The following CTNND2 variants were observed in gnomAD, a reference collection of about 807,000 sequenced individuals.
CTNND2 encodes the protein catenin delta-2.
A neutral mutation model predicts 144.4 loss-of-function variants in CTNND2; 22 were observed. That is an observed-to-expected ratio of 0.15 (90% CI 0.11 to 0.22). The LOEUF (loss-of-function observed/expected upper bound fraction) is 0.22. Ranked by LOEUF, CTNND2 falls within the 10% of genes least tolerant of loss-of-function variation. The pLI is 1.00. For missense variants in CTNND2, 1,353 were observed against 1,618.8 expected, an observed-to-expected ratio of 0.84 and a Z score of 2.82; for synonymous variants, 751 against 695.6, an observed-to-expected ratio of 1.08 and a Z score of -1.25.
At chr5:11,791,591 T>A (rs1045289192) in intron 1 of CTNND2, among the ~76,000 whole-genome samples, 2 of 152,210 alleles carry the variant, frequency 1.3e-5, no homozygotes, top group Non-Finnish European at 2.9e-5. Context: ...AACTGTTAAG[T>A]ATATTTGATA....
intron 11 of CTNND2, among the ~76,000 whole-genome samples, chr5:11,189,558 A>AT (rs1184219187): frequency 1.3e-5 from 2 of 152,176 alleles, no homozygotes; most frequent in Non-Finnish European, 2.9e-5. Flanking sequence ...TCTTAATAAC[A>AT]TTTTATTTTC....
chr5:11,422,584 A>T (rs889014557), intron 3 of CTNND2, among the ~76,000 whole-genome samples: 6 of 152,222 alleles, frequency 3.9e-5, no homozygotes, highest in African/African-American at 1.4e-4. Flanking sequence ...ATCACAGAGT[A>T]CCACAACACT....
rs1015737324 is a variant in CTNND2, at chr5:11,630,258, T to A, written c.175-65202A>T. Among the ~76,000 whole-genome samples the A allele has an allele frequency of 2.6e-5, 4 of 152,196 alleles. No individual in the cohort carries two copies. In the East Asian group the frequency reaches 7.7e-4, roughly 29 times the overall value. On this transcript the variant is annotated intron_variant, in intron 2 of 21. Coordinates refer to ENST00000304623, the MANE Select transcript of CTNND2 (RefSeq NM_001332.4). ...AACCCATACAGTGCTGTGACAAATG[T>A]CTGCTACACACATCTCCTTGTGATC...
chr5:11,592,368 G>A (rs1294728490), intron 2 of CTNND2, among the ~76,000 whole-genome samples: 1 of 151,618 alleles, frequency 6.6e-6, no homozygotes, highest in African/African-American at 2.4e-5. Context: ...TATGCATAAT[G>A]TATGATATCT....
intron 2 of CTNND2, among the ~76,000 whole-genome samples, chr5:11,645,174 C>T (rs1215866640): frequency 3.9e-5 from 6 of 152,060 alleles, no homozygotes; most frequent in Admixed American, 3.9e-4. Context: ...CTGTGTTACC[C>T]AAGTTGGTCT....
At chr5:11,804,237 C>T (rs1186730469) in intron 1 of CTNND2, among the ~76,000 whole-genome samples, 1 of 152,172 alleles carries the variant, frequency 6.6e-6, no homozygotes, top group Non-Finnish European at 1.5e-5. Flanking sequence ...CAGGCCCTCT[C>T]ATTCACTGCT....
chr5:11,843,316 G>A (rs1794569804), intron 1 of CTNND2, among the ~76,000 whole-genome samples: 1 of 142,026 alleles, frequency 7.0e-6, no homozygotes, highest in Non-Finnish European at 1.5e-5. Flanking sequence ...GAGAATGAGA[G>A]GTGGACACCC....
At chr5:11,169,908 G>A (rs1389497447) in intron 11 of CTNND2, among the ~76,000 whole-genome samples, 1 of 152,072 alleles carries the variant, frequency 6.6e-6, no homozygotes, top group African/African-American at 2.4e-5. Flanking sequence ...CTTTTTCACA[G>A]AGCATCACTG....
At chr5:11,316,956 TCAAA>T (rs1751572779) in intron 9 of CTNND2, among the ~76,000 whole-genome samples, 1 of 151,852 alleles carries the variant, frequency 6.6e-6, no homozygotes, top group African/African-American at 2.4e-5. Context: ...TACAATGAAC[TCAAA>T]CAAATTTACA....
chr5:11,375,922 G>GC (rs374052676), intron 7 of CTNND2, among the ~76,000 whole-genome samples: 29 of 152,118 alleles, frequency 1.9e-4, no homozygotes, highest in African/African-American at 7.0e-4. Context: ...TGCTCTCCTC[G>GC]CCCCCCGATT....
At chr5:11,813,093 C>A (rs1394568230) in intron 1 of CTNND2, among the ~76,000 whole-genome samples, 1 of 152,068 alleles carries the variant, frequency 6.6e-6, no homozygotes, top group African/African-American at 2.4e-5. Flanking sequence ...CAAAGTAGTC[C>A]CGTAAGATTA....
intron 9 of CTNND2, among the ~76,000 whole-genome samples, chr5:11,290,549 T>A (rs926316604): frequency 3.9e-5 from 6 of 152,214 alleles, no homozygotes; most frequent in Non-Finnish European, 7.3e-5. Flanking sequence ...CTCATATGAA[T>A]AAACACCCAT....
intron 2 of CTNND2, among the ~76,000 whole-genome samples, chr5:11,579,792 T>G (rs1778275592): frequency 6.6e-6 from 1 of 152,222 alleles, no homozygotes; most frequent in Non-Finnish European, 1.5e-5. Context: ...TTGTGTCCCC[T>G]GAAACTAGGG....
At chr5:11,542,271 T>C (rs373352210) in intron 3 of CTNND2, among the ~76,000 whole-genome samples, 43 of 152,296 alleles carry the variant, frequency 2.8e-4, no homozygotes, top group South Asian at 2.5e-3. Context: ...AAGGTTAGAA[T>C]AGAAAATTAT....
At chr5:10,980,285 A>G (rs1737065657) in intron 21 of CTNND2, among the ~76,000 whole-genome samples, 1 of 152,226 alleles carries the variant, frequency 6.6e-6, no homozygotes, top group Admixed American at 6.5e-5. Flanking sequence ...CAGCCAACAG[A>G]CATATGAAAA....
rs377370261 is a variant in CTNND2 at position 11,323,232 on chromosome 5, G to GGC, written c.1628+23139_1628+23140insGC. 5.0e-4 allele frequency among the ~76,000 whole-genome samples: 5 copies of GGC among 10,078 alleles called. No individual in the cohort carries two copies. The South Asian group carries it at 0.026, about 53-fold the overall frequency. 6.6% of individuals were successfully genotyped at this position (10,078 alleles called of 152,430 possible). ...TAAAAAACAAAAACATTTAGAGATTGGGGGGGGGGGTCTCACTATATTGCC... is the reference window on the plus strand; with the variant it reads ...TAAAAAACAAAAACATTTAGAGATTGGCGGGGGGGGGGTCTCACTATATTGCC... On this transcript the variant is annotated intron_variant, in intron 9 of 21. Transcript: ENST00000304623.
At chr5:11,220,925 T>C (rs927296139) in intron 10 of CTNND2, among the ~76,000 whole-genome samples, 6 of 152,158 alleles carry the variant, frequency 3.9e-5, no homozygotes, top group Non-Finnish European at 7.4e-5. Flanking sequence ...AATCATCCCA[T>C]AAGTACAATT....
At chr5:11,559,245 G>C (rs1034030574) in intron 3 of CTNND2, among the ~76,000 whole-genome samples, 4 of 152,208 alleles carry the variant, frequency 2.6e-5, no homozygotes, top group South Asian at 2.1e-4. Context: ...TCACAAGTGA[G>C]ACTGTGGTGC....
intron 12 of CTNND2, among the ~76,000 whole-genome samples, chr5:11,147,302 C>T (rs6859601): frequency 0.54 from 81,688 of 151,966 alleles, 22,224 homozygotes; most frequent in Admixed American, 0.59. Context: ...CGAATATATA[C>T]GGAATGAACG....
Sources: allele counts gnomAD v4.1 joint callset (sites outside exome capture counted in the v4.1 genomes callset), GRCh38; gene constraint gnomAD v4.1.1; transcripts MANE v1.5; gene names NCBI Gene and HGNC (gene_info 2026-07-23, HGNC 2026-07-21).